Variants in FAM20B observed in about 807,000 individuals in gnomAD.
The protein encoded by FAM20B is glycosaminoglycan xylosylkinase.
In FAM20B, 23 loss-of-function variants were observed where a neutral mutation model predicts 43.8. The observed-to-expected ratio is 0.53, with a 90% CI of 0.38 to 0.74. The LOEUF is 0.74. Ranked by LOEUF, FAM20B falls within the 30% of genes least tolerant of loss-of-function variation. The probability of loss-of-function intolerance (pLI) is 0.00; values close to 1 mark genes in which losing one functional copy is unlikely to be tolerated. For missense variants in FAM20B, 440 were observed against 510.5 expected, an observed-to-expected ratio of 0.86 and a Z score of 1.33; for synonymous variants, 178 against 192.4, an observed-to-expected ratio of 0.93 and a Z score of 0.62.
rs1409635107 is a variant in FAM20B at position 179,072,105 on chromosome 1, A to C, written c.1191A>C (p.Thr397=). The change falls in exon 8 of 8, where the codon ACA becomes ACC. Residue 397 remains threonine, a synonymous_variant. Coordinates refer to ENST00000263733, the MANE Select transcript of FAM20B (RefSeq NM_014864.4). The part of the protein sequence containing the change: ...KQCTDQFGMD[T]VLVEDRMPLS... Reference sequence around the variant, plus strand: ...GCACCGACCAGTTTGGGATGGACACAGTACTGGTGGAAGACAGGATGCCTC... The same window carrying C: ...GCACCGACCAGTTTGGGATGGACACCGTACTGGTGGAAGACAGGATGCCTC... 4.3e-6 allele frequency: 7 copies of C among 1,613,994 alleles called. No homozygotes were observed. The highest frequency in any genetic ancestry group is 2.2e-5 in the South Asian group (2 of 91,082).
intron 2 of FAM20B, among the ~76,000 whole-genome samples, chr1:179,046,256 AT>A: frequency 6.6e-6 from 1 of 152,236 alleles, no homozygotes; most frequent in East Asian, 1.9e-4. Context: ...CAAAAATCGC[AT>A]TTAGCTTTGA....
chr1:179,039,612 A>G (rs74385521), intron 1 of FAM20B, among the ~76,000 whole-genome samples: 7 of 152,190 alleles, frequency 4.6e-5, no homozygotes, highest in African/African-American at 1.7e-4. Context: ...CTAAGTAGAA[A>G]TATGTGTCTG....
intron 2 of FAM20B, among the ~76,000 whole-genome samples, chr1:179,049,402 A>G (rs922454111): frequency 6.6e-6 from 1 of 152,212 alleles, no homozygotes. Context: ...CTTAAAAAAA[A>G]AGAACAAGAA....
At chr1:179,070,106 C>T (rs548285580) in intron 7 of FAM20B, among the ~76,000 whole-genome samples, 9 of 151,978 alleles carry the variant, frequency 5.9e-5, no homozygotes, top group Non-Finnish European at 1.2e-4. Flanking sequence ...AGTGCAGTGG[C>T]GCGATCTTGG....
intron 2 of FAM20B, among the ~76,000 whole-genome samples, 186 bp downstream of exon 2, chr1:179,044,410 G>C (rs1650681266): frequency 6.6e-6 from 1 of 152,084 alleles, no homozygotes. Flanking sequence ...ATATAGAATA[G>C]TCTTCCTGCC....
chr1:179,052,544 T>C (rs991674027), intron 3 of FAM20B, among the ~76,000 whole-genome samples: 2 of 152,218 alleles, frequency 1.3e-5, no homozygotes, highest in African/African-American at 4.8e-5. Context: ...AATAACTGCT[T>C]TTTTATACAC....
At chr1:179,051,376 AC>A (rs71569226) in intron 3 of FAM20B, among the ~76,000 whole-genome samples, 5 of 151,842 alleles carry the variant, frequency 3.3e-5, no homozygotes, top group Non-Finnish European at 7.4e-5. Flanking sequence ...TGTAATCCCA[AC>A]ACTTTAGGAG....
chr1:179,071,379 G>A (rs1651919651), intron 7 of FAM20B, among the ~76,000 whole-genome samples: 1 of 152,160 alleles, frequency 6.6e-6, no homozygotes. Flanking sequence ...GAAGTTTATA[G>A]TACCCATTAA....
chr1:179,065,120 CT>C (rs1403676573), intron 6 of FAM20B, among the ~76,000 whole-genome samples: 9 of 151,134 alleles, frequency 6.0e-5, no homozygotes, highest in African/African-American at 2.2e-4. Flanking sequence ...ATTCTGCATT[CT>C]CTGTGGTGGC....
intron 2 of FAM20B, among the ~76,000 whole-genome samples, chr1:179,047,730 C>A (rs59991344): frequency 1.8e-3 from 271 of 152,292 alleles, no homozygotes; most frequent in African/African-American, 6.2e-3. Flanking sequence ...AAACACCCAG[C>A]AAAATGCTGT....
At chr1:179,060,743 T>G (rs992780372) in intron 4 of FAM20B, among the ~76,000 whole-genome samples, 1 of 152,138 alleles carries the variant, frequency 6.6e-6, no homozygotes, top group African/African-American at 2.4e-5. Context: ...TTTCTAGAAA[T>G]GGGAGTGCTA....
upstream of FAM20B, among the ~76,000 whole-genome samples, chr1:179,021,317 CA>C (rs943728584): frequency 2.8e-4 from 41 of 148,342 alleles, no homozygotes; most frequent in East Asian, 7.9e-4. Flanking sequence ...TCCATCACAA[CA>C]AAAAAAAAAT....
intron 4 of FAM20B, among the ~76,000 whole-genome samples, chr1:179,061,801 C>T (rs1172187711): frequency 1.3e-5 from 2 of 152,112 alleles, no homozygotes; most frequent in African/African-American, 4.8e-5. Context: ...TCCACACATT[C>T]ATGTGCTTAT....
intron 1 of FAM20B, among the ~76,000 whole-genome samples, chr1:179,027,469 G>A (rs1449862103): frequency 6.6e-6 from 1 of 152,184 alleles, no homozygotes; most frequent in African/African-American, 2.4e-5. Flanking sequence ...CAATCTCAGG[G>A]AGATTTAAAA....
chr1:179,023,979 A>G (rs1012873811), upstream of FAM20B, among the ~76,000 whole-genome samples: 3 of 152,136 alleles, frequency 2.0e-5, no homozygotes, highest in African/African-American at 2.4e-5. Context: ...GACATCATGG[A>G]GTGTCAGGCA....
intron 1 of FAM20B, among the ~76,000 whole-genome samples, chr1:179,027,278 A>G (rs10913673): frequency 0.38 from 58,267 of 152,064 alleles, 11,360 homozygotes; most frequent in Middle Eastern, 0.43. Context: ...ACTGGCGTTG[A>G]TTTCTAAAAA....
intron 1 of FAM20B, among the ~76,000 whole-genome samples, chr1:179,035,928 G>A (rs527288263): frequency 1.4e-4 from 21 of 152,152 alleles, no homozygotes; most frequent in South Asian, 1.2e-3. Flanking sequence ...TCAGGAGTTC[G>A]AGACCAGCCT....
intron 1 of FAM20B, among the ~76,000 whole-genome samples, chr1:179,027,269 C>T (rs1330843405): frequency 6.6e-6 from 1 of 152,232 alleles, no homozygotes; most frequent in Non-Finnish European, 1.5e-5. Context: ...AAAAATTTCA[C>T]TGGCGTTGAT....
intron 4 of FAM20B, among the ~76,000 whole-genome samples, chr1:179,061,068 T>C (rs1229569858): frequency 2.1e-5 from 3 of 142,854 alleles, no homozygotes; most frequent in Non-Finnish European, 4.5e-5. Context: ...GTAAATACTC[T>C]TTGTCGAATT....
Sources: allele counts gnomAD v4.1 joint callset (sites outside exome capture counted in the v4.1 genomes callset), GRCh38; gene constraint gnomAD v4.1.1; transcripts MANE v1.5; gene names NCBI Gene and HGNC (gene_info 2026-07-23, HGNC 2026-07-21).